Variants in NKAIN2 observed in about 807,000 individuals in gnomAD.
NKAIN2 encodes sodium/potassium-transporting ATPase subunit beta-1-interacting protein 2.
In NKAIN2, 14 loss-of-function variants were observed where a neutral mutation model predicts 32.6. The ratio of observed to expected loss-of-function variants is 0.43; its 90% CI spans 0.28 to 0.67. NKAIN2 has a LOEUF of 0.67. Among genes scored for constraint, NKAIN2 ranks in the 30% least tolerant of loss-of-function variants. The pLI is 0.17. For missense variants in NKAIN2, 198 were observed against 258.3 expected (o/e 0.77, Z 1.60); for synonymous variants, 80 against 87.2 (o/e 0.92, Z 0.46).
At chr6:124,498,614 T>G (rs991003756) in intron 3 of NKAIN2, among the ~76,000 whole-genome samples, 8 of 152,148 alleles carry the variant, frequency 5.3e-5, no homozygotes, top group Non-Finnish European at 7.4e-5. Flanking sequence ...CATAATTTTC[T>G]TAGTGCTGTG....
intron 6 of NKAIN2, among the ~76,000 whole-genome samples, chr6:124,821,626 A>G (rs182256066): frequency 6.6e-6 from 1 of 152,328 alleles, no homozygotes; most frequent in African/African-American, 2.4e-5. Context: ...TGCCAACTAA[A>G]AGTTATAAAA....
chr6:124,143,446 T>TGAGA (rs1787241495), intron 1 of NKAIN2, among the ~76,000 whole-genome samples: 1 of 152,072 alleles, frequency 6.6e-6, no homozygotes, highest in South Asian at 2.1e-4. Context: ...GGTGGCAGAG[T>TGAGA]GAGAGAGACC....
At chr6:124,717,685 A>G (rs1024995443) in intron 4 of NKAIN2, among the ~76,000 whole-genome samples, 8 of 152,188 alleles carry the variant, frequency 5.3e-5, no homozygotes, top group Admixed American at 2.0e-4. Context: ...TGTGAAAGGA[A>G]TAACACTAGT....
At chr6:124,752,132 C>A (rs987902740) in intron 4 of NKAIN2, among the ~76,000 whole-genome samples, 1 of 151,972 alleles carries the variant, frequency 6.6e-6, no homozygotes, top group African/African-American at 2.4e-5. Flanking sequence ...AATTAAAAGG[C>A]AGTGGAGGTT....
intron 3 of NKAIN2, among the ~76,000 whole-genome samples, chr6:124,413,418 T>G (rs1338823950): frequency 2.0e-5 from 3 of 152,228 alleles, no homozygotes; most frequent in East Asian, 3.8e-4. Flanking sequence ...TTGATCTCAC[T>G]GATATATCTT....
chr6:124,579,074 A>T (rs1781434266), intron 3 of NKAIN2, among the ~76,000 whole-genome samples: 1 of 152,186 alleles, frequency 6.6e-6, no homozygotes, highest in South Asian at 2.1e-4. Flanking sequence ...GCAGTGATCA[A>T]AAACTTAGAT....
At chr6:123,947,301 C>T (rs887690185) in intron 1 of NKAIN2, among the ~76,000 whole-genome samples, 5 of 152,144 alleles carry the variant, frequency 3.3e-5, no homozygotes, top group Non-Finnish European at 5.9e-5. Flanking sequence ...ACAGCTTAAC[C>T]TGAACATATG....
chr6:124,181,469 C>G (rs1201623565), intron 1 of NKAIN2, among the ~76,000 whole-genome samples: 1 of 152,110 alleles, frequency 6.6e-6, no homozygotes, highest in Non-Finnish European at 1.5e-5. Flanking sequence ...CATCATCAAG[C>G]TGCAAATTTT....
intron 1 of NKAIN2, among the ~76,000 whole-genome samples, chr6:124,269,433 TTTTCTTTC>T (rs149121065): frequency 5.5e-5 from 8 of 145,486 alleles, no homozygotes; most frequent in Non-Finnish European, 8.9e-5. Flanking sequence ...TTTCTTTTTC[TTTTCTTTC>T]TTTCTTTCTT....
Position 124,201,117 on chromosome 6 carries a change from TAAAAC to T in NKAIN2, c.55-81883_55-81879del, listed in dbSNP as rs1158191888. On this transcript the variant is annotated intron_variant, in intron 1 of 6. Coordinates refer to ENST00000368417, the MANE Select transcript of NKAIN2 (RefSeq NM_001040214.3). The stretch of plus-strand genomic sequence containing the variant: ...CATCTACATAAACAAGCTGTAAACA[TAAAAC>T]AAAAAATAACTGGCCTTTTACATAC... Among the ~76,000 whole-genome samples, 3 of 152,130 alleles carry T rather than the reference TAAAAC, an allele frequency of 2.0e-5. No homozygotes were observed. The East Asian group carries it at 5.8e-4, about 29-fold the overall frequency.
intron 1 of NKAIN2, among the ~76,000 whole-genome samples, chr6:124,185,458 G>T (rs913817135): frequency 6.6e-6 from 1 of 152,042 alleles, no homozygotes; most frequent in African/African-American, 2.4e-5. Flanking sequence ...AGAATGTTTT[G>T]TATGCTCAAA....
At chr6:123,894,016 T>C (rs1774150262) in intron 1 of NKAIN2, among the ~76,000 whole-genome samples, 1 of 152,264 alleles carries the variant, frequency 6.6e-6, no homozygotes, top group Admixed American at 6.5e-5. Context: ...TTCTGAATTT[T>C]ATAATTTTGT....
intron 1 of NKAIN2, among the ~76,000 whole-genome samples, chr6:124,146,166 A>G (rs1787386183): frequency 6.6e-6 from 1 of 152,294 alleles, no homozygotes; most frequent in Admixed American, 6.5e-5. Flanking sequence ...ACATTATCTC[A>G]ATAAAAATGC....
At chr6:124,358,714 T>G (rs1193659281) in intron 3 of NKAIN2, among the ~76,000 whole-genome samples, 2 of 151,918 alleles carry the variant, frequency 1.3e-5, no homozygotes, top group Non-Finnish European at 2.9e-5. Flanking sequence ...TTCTCCCATG[T>G]TGTAGGTTGC....
chr6:124,102,223 G>T (rs775093514), intron 1 of NKAIN2, among the ~76,000 whole-genome samples: 2 of 152,162 alleles, frequency 1.3e-5, no homozygotes, highest in Non-Finnish European at 2.9e-5. Flanking sequence ...CCCTTCACTG[G>T]TATGGACCAT....
At chr6:124,308,693 A>G (rs2753169) in intron 2 of NKAIN2, among the ~76,000 whole-genome samples, 40,916 of 151,976 alleles carry the variant, frequency 0.27, 9,436 homozygotes, top group African/African-American at 0.62. Context: ...AAGTATATTC[A>G]CCCATTTTAT....
chr6:124,013,320 T>A (rs539085979), intron 1 of NKAIN2, among the ~76,000 whole-genome samples: 3 of 152,152 alleles, frequency 2.0e-5, no homozygotes, highest in Admixed American at 2.0e-4. Flanking sequence ...TGAAGTAAAT[T>A]TTATCAATCT....
chr6:123,816,904 G>T (rs1773716933), intron 1 of NKAIN2, among the ~76,000 whole-genome samples: 1 of 152,146 alleles, frequency 6.6e-6, no homozygotes, highest in South Asian at 2.1e-4. Flanking sequence ...AGGAGGCAAT[G>T]AAGCTCAGCT....
chr6:124,357,738 A>C (rs1799054971), intron 3 of NKAIN2, among the ~76,000 whole-genome samples: 1 of 152,168 alleles, frequency 6.6e-6, no homozygotes, highest in Non-Finnish European at 1.5e-5. Flanking sequence ...TAAAACATTA[A>C]GGTAAATTTT....
Sources: gnomAD v4.1 joint callset for allele counts (sites outside exome capture counted in the v4.1 genomes callset) on GRCh38, gnomAD v4.1.1 for gene constraint, MANE v1.5 for transcripts, NCBI Gene and HGNC (gene_info 2026-07-23, HGNC 2026-07-21) for gene names.